The following PACRG variants were observed in gnomAD, a reference collection of about 807,000 sequenced individuals.
The protein encoded by PACRG is parkin coregulated, also known as parkin coregulated gene protein.
A neutral mutation model predicts 29.7 loss-of-function variants in PACRG; 29 were observed. That is an observed-to-expected ratio of 0.98 (90% CI 0.73 to 1.33). The LOEUF (loss-of-function observed/expected upper bound fraction) is 1.33. Among genes scored for constraint, PACRG ranks in the 40% most tolerant of loss-of-function variants. The pLI, the probability that PACRG is intolerant of heterozygous loss-of-function variation, is 0.00. For missense variants in PACRG, 279 were observed against 316.2 expected, an observed-to-expected ratio of 0.88 and a Z score of 0.89; for synonymous variants, 116 against 118.7, an observed-to-expected ratio of 0.98 and a Z score of 0.15.
chr6:163,248,931 G>A (rs1782795796), intron 4 of PACRG, among the ~76,000 whole-genome samples: 1 of 150,504 alleles, frequency 6.6e-6, no homozygotes, highest in African/African-American at 2.5e-5. Flanking sequence ...CAGGAGAATG[G>A]CGTGAACCCG....
chr6:162,806,071 C>G (rs1786291298), intron 1 of PACRG, among the ~76,000 whole-genome samples: 1 of 151,740 alleles, frequency 6.6e-6, no homozygotes, highest in Admixed American at 6.6e-5. Flanking sequence ...GAATCACCAT[C>G]TATGGCAGCT....
At chr6:163,249,197 T>C (rs1390710651) in intron 4 of PACRG, among the ~76,000 whole-genome samples, 2 of 152,204 alleles carry the variant, frequency 1.3e-5, no homozygotes, top group African/African-American at 4.8e-5. Context: ...ACGCAAAGTC[T>C]CTGGGTCAAT....
In PACRG at chr6:163,269,843, AAGAAAGAAAGAAAG is replaced by A. The variant is rs1268013943; in HGVS notation, c.614-44972_614-44959del. Among the ~76,000 whole-genome samples, 12 of 79,844 alleles carry A rather than the reference AAGAAAGAAAGAAAG, an allele frequency of 1.5e-4. 3 individuals are homozygous for A. The highest frequency in any genetic ancestry group is 7.1e-4 in the African/African-American group (12 of 16,798). 52.4% of individuals were successfully genotyped at this position (79,844 alleles called of 152,430 possible). On this transcript the variant is annotated intron_variant, in intron 4 of 4. Coordinates refer to ENST00000366888, the MANE Select transcript of PACRG (RefSeq NM_001080379.2). ...AAGGAGAAAGAAAGAAAGAAAAAGA[AAGAAAGAAAGAAAG>A]AGAAAGAAAGAGAAAGAAAGAAAGA...
chr6:162,810,223 CCT>C (rs894762693), intron 1 of PACRG, among the ~76,000 whole-genome samples: 2 of 152,146 alleles, frequency 1.3e-5, no homozygotes, highest in Non-Finnish European at 2.9e-5. Flanking sequence ...AGCATTCTCT[CCT>C]CTGGGGTCAG....
At position 163,140,850 on chromosome 6, in the gene PACRG, G is replaced by A. The variant is rs189106863; in HGVS notation, c.613+51442G>A. ...TAGAAATCTTGAAACAAGAGCAGAC[G>A]AATCTGAAGAAGAACAAATGATAAA... On this transcript the variant is annotated intron_variant, in intron 4 of 4. Coordinates refer to ENST00000366888, the MANE Select transcript of PACRG (RefSeq NM_001080379.2). Among the ~76,000 whole-genome samples the A allele has an allele frequency of 3.2e-3, 486 of 152,198 alleles. 1 individual carries two copies. The highest frequency in any genetic ancestry group is 0.011 in the African/African-American group (448 of 41,536).
At chr6:163,062,038 T>A (rs1170528677) in intron 2 of PACRG, 112 bp from the exon 3 acceptor site, 3 of 1,066,626 alleles carry the variant, frequency 2.8e-6, no homozygotes, top group Non-Finnish European at 2.7e-6. Flanking sequence ...GAAGTCTTCC[T>A]GAAGTTCTAA....
chr6:163,009,923 T>C (rs542787794), intron 2 of PACRG, among the ~76,000 whole-genome samples: 1 of 152,264 alleles, frequency 6.6e-6, no homozygotes, highest in Non-Finnish European at 1.5e-5. Context: ...TACATTTATA[T>C]GTTTGTGTTT....
rs963608350 is a variant in PACRG at position 162,884,048 on chromosome 6, C to A, written c.291+69767C>A. On this transcript the variant is annotated intron_variant, in intron 2 of 4. Coordinates refer to ENST00000366888, the MANE Select transcript of PACRG (RefSeq NM_001080379.2). ...GACCTCCTGGGCTCAAGCGATCCTC[C>A]CACCTCAACCTCCCGCCTAAGTCCC... Among the ~76,000 whole-genome samples, 5 of 152,050 alleles carry A rather than the reference C, an allele frequency of 3.3e-5. No individual in the cohort carries two copies. The South Asian group carries it at 8.3e-4, about 25-fold the overall frequency.
rs575255041 is a variant in PACRG, at chr6:162,807,503, C to T, written c.157-6644C>T. 1.8e-4 allele frequency among the ~76,000 whole-genome samples: 27 copies of T among 152,072 alleles called. No individual in the cohort carries two copies. The East Asian group carries it at 4.5e-3, about 25-fold the overall frequency. ...GACTCATTTCAATATTGTTCTGTCTCGGGAAATAGGGAGGCCTGAGGAAGG... is the reference window on the plus strand; with the variant it reads ...GACTCATTTCAATATTGTTCTGTCTTGGGAAATAGGGAGGCCTGAGGAAGG... On this transcript the variant is annotated intron_variant, in intron 1 of 4. Transcript: ENST00000366888.
chr6:162,740,263 G>T (rs1046626088), intron 1 of PACRG, among the ~76,000 whole-genome samples: 6 of 151,838 alleles, frequency 4.0e-5, no homozygotes, highest in Non-Finnish European at 8.8e-5. Flanking sequence ...TTTCCTTGGA[G>T]ATTTTAACTA....
rs2128252606 is a variant in PACRG, at chr6:163,055,142, T to C, written c.292-7008T>C. Among the ~76,000 whole-genome samples the C allele has an allele frequency of 6.6e-6, 1 of 152,266 alleles. No homozygotes were observed. The highest frequency in any genetic ancestry group is 3.4e-3 in the Middle Eastern group (1 of 294). Reference sequence around the variant, plus strand: ...AATGAGGAAGCAAGGACAGTGATGATAAAGAATTCTCTTGAAAAACTTTAC... The same window carrying C: ...AATGAGGAAGCAAGGACAGTGATGACAAAGAATTCTCTTGAAAAACTTTAC... On this transcript the variant is annotated intron_variant, in intron 2 of 4. Coordinates refer to ENST00000366888, the MANE Select transcript of PACRG (RefSeq NM_001080379.2). This position sits in a 1 kb window ranked among gnomAD's most constrained non-coding sequence, Gnocchi z 4.0.
intron 4 of PACRG, among the ~76,000 whole-genome samples, chr6:163,201,506 C>T (rs1780697122): frequency 6.6e-6 from 1 of 152,200 alleles, no homozygotes; most frequent in African/African-American, 2.4e-5. Flanking sequence ...GGACAGTCTC[C>T]TCACCTTTGG....
upstream of PACRG, chr6:162,727,725 C>G (rs750626864): frequency 3.4e-5 from 52 of 1,535,420 alleles, no homozygotes; most frequent in Middle Eastern, 3.4e-4. Flanking sequence ...CGCAGCGGCG[C>G]CAGCCGCGCC....
chr6:162,969,726 G>A (rs1158887175), intron 2 of PACRG, among the ~76,000 whole-genome samples: 1 of 152,054 alleles, frequency 6.6e-6, no homozygotes, highest in Non-Finnish European at 1.5e-5. Context: ...CGTGACTTAG[G>A]TCTCAGCTTA....
intron 1 of PACRG, among the ~76,000 whole-genome samples, chr6:162,730,095 A>G (rs2128246901): frequency 6.7e-6 from 1 of 150,214 alleles, no homozygotes; most frequent in South Asian, 2.1e-4. Context: ...AGTGTTTGCT[A>G]AGCACAGTTC....
chr6:163,244,842 A>G (rs1434286920), intron 4 of PACRG: 1 of 257,792 alleles, frequency 3.9e-6, no homozygotes, highest in Non-Finnish European at 7.8e-6. Flanking sequence ...ACCTTGGCAA[A>G]CAAAGTATTT....
At chr6:163,048,900 T>C (rs1809693735) in intron 2 of PACRG, among the ~76,000 whole-genome samples, 2 of 152,188 alleles carry the variant, frequency 1.3e-5, no homozygotes, top group African/African-American at 4.8e-5. Context: ...GCTTGCTTTC[T>C]GGCTTAGTGC....
chr6:163,161,095 C>A (rs567669644), intron 4 of PACRG, among the ~76,000 whole-genome samples: 2 of 152,250 alleles, frequency 1.3e-5, no homozygotes, highest in South Asian at 4.2e-4. Context: ...CTGCTCTTGA[C>A]ATCCATCTTC....
intron 1 of PACRG, among the ~76,000 whole-genome samples, chr6:162,732,183 C>A (rs1334508140): frequency 6.6e-6 from 1 of 152,250 alleles, no homozygotes; most frequent in East Asian, 1.9e-4. Flanking sequence ...AAGCTTGACC[C>A]ATGAAGCAAC....
Sources: allele counts gnomAD v4.1 joint callset (sites outside exome capture counted in the v4.1 genomes callset), GRCh38; gene constraint gnomAD v4.1.1; non-coding constraint Gnocchi (gnomAD v3.1); transcripts MANE v1.5; gene names NCBI Gene and HGNC (gene_info 2026-07-23, HGNC 2026-07-21).